SLC14A2: variants seen among roughly 807,000 people sequenced by gnomAD.
The protein encoded by SLC14A2 is solute carrier family 14 member 2.
A neutral mutation model predicts 104.6 loss-of-function variants in SLC14A2; 91 were observed. That is an observed-to-expected ratio of 0.87 (90% CI 0.73 to 1.04). The LOEUF is 1.04. SLC14A2 is among the 50% of genes least tolerant of loss of function. The pLI, the probability that SLC14A2 is intolerant of heterozygous loss-of-function variation, is 0.00. For synonymous variants in SLC14A2, 476 were observed against 466.4 expected (o/e 1.02, Z -0.27); for missense variants, 1,189 against 1,156.0 (o/e 1.03, Z -0.41).
At chr18:45,476,385 C>T (rs1291534761) in intron 1 of SLC14A2, among the ~76,000 whole-genome samples, 3 of 152,126 alleles carry the variant, frequency 2.0e-5, no homozygotes, top group Non-Finnish European at 2.9e-5. Context: ...GTGGGTAACC[C>T]GACCTTTCTC....
intron 1 of SLC14A2, among the ~76,000 whole-genome samples, chr18:45,436,034 T>G (rs2086590588): frequency 6.6e-6 from 1 of 152,078 alleles, no homozygotes; most frequent in South Asian, 2.1e-4. Flanking sequence ...TCTATTACTA[T>G]TAATAGAGCC....
At chr18:45,335,641 T>C (rs1468595067) in intron 1 of SLC14A2, among the ~76,000 whole-genome samples, 2 of 152,194 alleles carry the variant, frequency 1.3e-5, no homozygotes, top group African/African-American at 2.4e-5. Flanking sequence ...AAATACAGAA[T>C]ATACCCTATA....
At chr18:45,598,070 T>G (rs374248794) in intron 2 of SLC14A2, among the ~76,000 whole-genome samples, 6 of 152,258 alleles carry the variant, frequency 3.9e-5, no homozygotes, top group African/African-American at 1.4e-4. Context: ...TGGGACTTTC[T>G]ACAAATGGGC....
At chr18:45,442,858 A>T (rs2086701957) in intron 1 of SLC14A2, among the ~76,000 whole-genome samples, 1 of 152,214 alleles carries the variant, frequency 6.6e-6, no homozygotes, top group Non-Finnish European at 1.5e-5. Flanking sequence ...CTAGAAAAAA[A>T]TTCCCTCCTG....
chr18:45,604,227 T>A (rs1352453352), intron 2 of SLC14A2, among the ~76,000 whole-genome samples: 2 of 152,180 alleles, frequency 1.3e-5, no homozygotes, highest in East Asian at 1.9e-4. Flanking sequence ...TGCAAAAAAG[T>A]CATTTCTCAC....
intron 1 of SLC14A2, among the ~76,000 whole-genome samples, chr18:45,349,071 A>G (rs1414905216): frequency 6.6e-6 from 1 of 152,218 alleles, no homozygotes; most frequent in Non-Finnish European, 1.5e-5. Context: ...AGCCTGCGAC[A>G]GTGTGTAATG....
intron 2 of SLC14A2, among the ~76,000 whole-genome samples, chr18:45,526,001 A>G (rs1285412918): frequency 1.3e-5 from 2 of 152,240 alleles, no homozygotes; most frequent in Admixed American, 1.3e-4. Flanking sequence ...AGGCAAGAAA[A>G]TTTAAAAGTG....
Position 45,527,211 on chromosome 18 carries a change from C to T in SLC14A2, c.-35+43889C>T, listed in dbSNP as rs554857450. On this transcript the variant is annotated intron_variant, in intron 2 of 20. Coordinates refer to the SLC14A2 transcript ENST00000586448. Reference sequence around the variant, plus strand: ...AGGTGCTCCCTGTTCTGATGAGAAGCGTTGGGATGGCAGATTTATCAAGGT... The same window carrying T: ...AGGTGCTCCCTGTTCTGATGAGAAGTGTTGGGATGGCAGATTTATCAAGGT... Among the ~76,000 whole-genome samples, 14 of 152,224 alleles carry T rather than the reference C, an allele frequency of 9.2e-5. 1 individual carries two copies. The highest frequency in any genetic ancestry group is 4.6e-4 in the Admixed American group (7 of 15,292).
At chr18:45,643,069 A>G in intron 8 of SLC14A2, 63 bp from the exon 9 acceptor site, 1 of 1,501,506 alleles carries the variant, frequency 6.7e-7, no homozygotes, top group Non-Finnish European at 9.3e-7. Flanking sequence ...CTGGTCTGCA[A>G]TGGCAGTGGC....
intron 2 of SLC14A2, among the ~76,000 whole-genome samples, chr18:45,549,115 G>A (rs1406291298): frequency 2.6e-5 from 4 of 152,252 alleles, no homozygotes; most frequent in Admixed American, 1.3e-4. Flanking sequence ...ATGCGATGCT[G>A]CTCGAATAGA....
chr18:45,264,626 G>C (rs1408359071), intron 1 of SLC14A2, among the ~76,000 whole-genome samples: 1 of 152,094 alleles, frequency 6.6e-6, no homozygotes, highest in African/African-American at 2.4e-5. Flanking sequence ...TCTTTCGTGG[G>C]GACAGGCCTG....
At chr18:45,579,510 T>G (rs531140259) in intron 2 of SLC14A2, among the ~76,000 whole-genome samples, 1 of 152,264 alleles carries the variant, frequency 6.6e-6, no homozygotes, top group Admixed American at 6.5e-5. Context: ...TATTTTCAAA[T>G]GTTTCAAAAT....
intron 1 of SLC14A2, among the ~76,000 whole-genome samples, chr18:45,309,440 TTGATTCCCATTGTACAGATGGA>T (rs566327846): frequency 0.018 from 2,804 of 152,052 alleles, 24 homozygotes; most frequent in African/African-American, 0.034. Context: ...TCCTCTTTCC[TTGATTCCCATTGTACAGATGGA>T]TGATTCCCAT....
At chr18:45,292,982 A>G (rs2084884375) in intron 1 of SLC14A2, among the ~76,000 whole-genome samples, 1 of 151,940 alleles carries the variant, frequency 6.6e-6, no homozygotes, top group East Asian at 1.9e-4. Flanking sequence ...TTGTTGCTTG[A>G]CACCGCCCCT....
chr18:45,464,979 C>T (rs987074488), intron 1 of SLC14A2, among the ~76,000 whole-genome samples: 5 of 152,178 alleles, frequency 3.3e-5, no homozygotes, highest in South Asian at 2.1e-4. Flanking sequence ...AAAATGCAGG[C>T]AGGCAGGAGA....
At chr18:45,183,146 G>A in the SLC14A2 span, among the ~76,000 whole-genome samples, 1 of 152,124 alleles carries the variant, frequency 6.6e-6, no homozygotes, top group Non-Finnish European at 1.5e-5. Flanking sequence ...GCTTCCCCCA[G>A]TGCATTCCCA....
At chr18:45,339,664 A>G (rs1453056812) in intron 1 of SLC14A2, among the ~76,000 whole-genome samples, 1 of 152,228 alleles carries the variant, frequency 6.6e-6, no homozygotes, top group Non-Finnish European at 1.5e-5. Flanking sequence ...TGGATTGTGG[A>G]CAATGAAAAG....
rs188733086 is a variant in SLC14A2, at chr18:45,642,200, G to A, written c.1126+857G>A. Among the ~76,000 whole-genome samples, 785 of 152,340 alleles carry A rather than the reference G, an allele frequency of 5.2e-3. 19 individuals are homozygous for A. The highest frequency in any genetic ancestry group is 0.048 in the Admixed American group (731 of 15,300). On this transcript the variant is annotated intron_variant, in intron 8 of 19. Coordinates refer to ENST00000255226, the MANE Select transcript of SLC14A2 (RefSeq NM_007163.4). ...AGAGTCAAGGAAACAGAAGACTAGC[G>A]TCTGGAACAGCTTCTCTTTTGTTTT...
intron 1 of SLC14A2, among the ~76,000 whole-genome samples, chr18:45,281,024 C>T (rs1182430615): frequency 6.6e-6 from 1 of 152,174 alleles, no homozygotes; most frequent in Non-Finnish European, 1.5e-5. Context: ...CACCAAGCAG[C>T]CCCTCTTTGG....
Sources: allele counts gnomAD v4.1 joint callset (sites outside exome capture counted in the v4.1 genomes callset), GRCh38; gene constraint gnomAD v4.1.1; transcripts MANE v1.5; gene names NCBI Gene and HGNC (gene_info 2026-07-23, HGNC 2026-07-21).